XXYLT1: variants seen among roughly 807,000 people sequenced by gnomAD.
The protein encoded by XXYLT1 is xyloside xylosyltransferase 1.
In XXYLT1, 20 loss-of-function variants were observed where a neutral mutation model predicts 28.9. The observed-to-expected ratio is 0.69, with a 90% CI of 0.49 to 1.00. The LOEUF is 1.00. Among genes scored for constraint, XXYLT1 ranks in the 50% least tolerant of loss-of-function variants. XXYLT1 has a pLI of 0.00. For missense variants in XXYLT1, 542 were observed against 560.1 expected (o/e 0.97, Z 0.33); for synonymous variants, 257 against 253.8 (o/e 1.01, Z -0.12).
chr3:195,079,199 T>C (rs1576999819), intron 3 of XXYLT1, among the ~76,000 whole-genome samples: 1 of 151,850 alleles, frequency 6.6e-6, no homozygotes, highest in Admixed American at 6.6e-5. Flanking sequence ...CCGCAAGAGG[T>C]GACAGTGACC....
chr3:195,098,271 G>A (rs1433080175), intron 3 of XXYLT1, among the ~76,000 whole-genome samples: 1 of 152,200 alleles, frequency 6.6e-6, no homozygotes, highest in Non-Finnish European at 1.5e-5. Context: ...GGTTAAAATG[G>A]AGCCAGGTGC....
intron 2 of XXYLT1, among the ~76,000 whole-genome samples, chr3:195,162,208 G>A (rs9825521): frequency 0.12 from 18,580 of 152,074 alleles, 1,300 homozygotes; most frequent in East Asian, 0.27. Context: ...TGTTGGGCTC[G>A]ACAGCCTGGT....
chr3:195,204,476 A>ACTCTCTCTCT (rs61196221), intron 2 of XXYLT1, among the ~76,000 whole-genome samples: 2,713 of 125,864 alleles, frequency 0.022, 93 homozygotes, highest in African/African-American at 0.072. Context: ...TCACTCTCTC[A>ACTCTCTCTCT]CTCTCTCTCT....
intron 3 of XXYLT1, among the ~76,000 whole-genome samples, chr3:195,136,527 G>A (rs901456300): frequency 1.3e-5 from 2 of 152,122 alleles, no homozygotes; most frequent in African/African-American, 4.8e-5. Flanking sequence ...CTGACCAAGC[G>A]GCCCCGGGTG....
chr3:195,169,118 C>T (rs762623088), intron 2 of XXYLT1, among the ~76,000 whole-genome samples: 99 of 152,232 alleles, frequency 6.5e-4, no homozygotes, highest in Middle Eastern at 6.8e-3. Flanking sequence ...CTGGAGGCCT[C>T]TAAAGGCTCA....
chr3:195,174,757 G>T (rs376898147), intron 2 of XXYLT1, among the ~76,000 whole-genome samples: 1 of 134,140 alleles, frequency 7.5e-6, no homozygotes. Context: ...CCTCCTCCTC[G>T]TCCCCTTTCC....
intron 1 of XXYLT1, among the ~76,000 whole-genome samples, chr3:195,234,689 C>T (rs1248387381): frequency 1.3e-5 from 2 of 152,158 alleles, no homozygotes; most frequent in African/African-American, 2.4e-5. Flanking sequence ...TCATGCCACT[C>T]TCTCCTGGCC....
chr3:195,269,606 G>C (rs1411788453), intron 1 of XXYLT1, among the ~76,000 whole-genome samples: 1 of 152,202 alleles, frequency 6.6e-6, no homozygotes, highest in Non-Finnish European at 1.5e-5. Flanking sequence ...AGCTATCAGA[G>C]ACTCCCGAAG....
chr3:195,254,487 G>T (rs115271770), intron 1 of XXYLT1, among the ~76,000 whole-genome samples: 1 of 152,340 alleles, frequency 6.6e-6, no homozygotes, highest in East Asian at 1.9e-4. Flanking sequence ...GCACGTCCAC[G>T]GGGCATAATT....
chr3:195,153,367 C>G (rs1000305472), intron 3 of XXYLT1, among the ~76,000 whole-genome samples: 1 of 152,206 alleles, frequency 6.6e-6, no homozygotes, highest in Non-Finnish European at 1.5e-5. Context: ...TTCCCCAGAG[C>G]CAGCGGGGCA....
chr3:195,204,730 C>T (rs777456788), intron 2 of XXYLT1, among the ~76,000 whole-genome samples: 12 of 152,216 alleles, frequency 7.9e-5, no homozygotes, highest in African/African-American at 1.7e-4. Context: ...TTCATTAACA[C>T]GCTTGACCTG....
chr3:195,157,068 C>G (rs1231078176), intron 2 of XXYLT1, among the ~76,000 whole-genome samples: 1 of 151,848 alleles, frequency 6.6e-6, no homozygotes, highest in Non-Finnish European at 1.5e-5. Flanking sequence ...CATTGTGAAA[C>G]CCTGTCTCTA....
chr3:195,208,152 G>A (rs1482758128), intron 2 of XXYLT1, among the ~76,000 whole-genome samples: 2 of 152,214 alleles, frequency 1.3e-5, no homozygotes, highest in Admixed American at 6.5e-5. Context: ...GTTAGAGGCT[G>A]CCCACCACAT....
chr3:195,187,777 C>T (rs1454797495), intron 2 of XXYLT1, among the ~76,000 whole-genome samples: 10 of 152,122 alleles, frequency 6.6e-5, no homozygotes, highest in East Asian at 3.8e-4. Flanking sequence ...TGGAAAGACC[C>T]GGGGCTGAGG....
intron 3 of XXYLT1, among the ~76,000 whole-genome samples, chr3:195,143,822 A>ATATTTTTTTTTTT (rs1560117015): frequency 2.2e-5 from 2 of 91,130 alleles, no homozygotes; most frequent in Non-Finnish European, 4.4e-5. Flanking sequence ...ATAGATATAG[A>ATATTTTTTTTTTT]TATATATAGA....
intron 2 of XXYLT1, among the ~76,000 whole-genome samples, chr3:195,226,141 C>G (rs1164520204): frequency 6.6e-6 from 1 of 152,152 alleles, no homozygotes; most frequent in Non-Finnish European, 1.5e-5. Flanking sequence ...CATGACCAGA[C>G]CTGCCAGAAA....
chr3:195,071,331 C>T (rs374347573), intron 3 of XXYLT1, among the ~76,000 whole-genome samples: 296 of 152,280 alleles, frequency 1.9e-3, no homozygotes, highest in African/African-American at 6.8e-3. Flanking sequence ...ATAGGATCTG[C>T]GTGATGAAGC....
intron 2 of XXYLT1, among the ~76,000 whole-genome samples, chr3:195,207,675 C>G (rs1723132796): frequency 6.6e-6 from 1 of 152,100 alleles, no homozygotes; most frequent in Non-Finnish European, 1.5e-5. Flanking sequence ...CAGCTGCAAA[C>G]AACAAATATT....
chr3:195,263,409 A>C (rs1285601679), intron 1 of XXYLT1, among the ~76,000 whole-genome samples: 1 of 152,152 alleles, frequency 6.6e-6, no homozygotes, highest in Non-Finnish European at 1.5e-5. Flanking sequence ...GAGCTGATGA[A>C]GTCATTAAGA....
Sources: allele counts gnomAD v4.1 joint callset (sites outside exome capture counted in the v4.1 genomes callset), GRCh38; gene constraint gnomAD v4.1.1; transcripts MANE v1.5; gene names NCBI Gene and HGNC (gene_info 2026-07-23, HGNC 2026-07-21).